The following TSNAX variants were observed in gnomAD, a reference collection of about 807,000 sequenced individuals.
The protein encoded by TSNAX is translin associated factor X, also known as translin-associated protein X.
In TSNAX, 12 loss-of-function variants were observed where a neutral mutation model predicts 33.0. The ratio of observed to expected loss-of-function variants is 0.36; its 90% CI spans 0.23 to 0.59. TSNAX has a LOEUF of 0.59. Ranked by LOEUF, TSNAX falls within the 20% of genes least tolerant of loss-of-function variation. The probability of loss-of-function intolerance (pLI) is 0.74; values close to 1 mark genes in which losing one functional copy is unlikely to be tolerated. For missense variants in TSNAX, 267 were observed against 341.3 expected (o/e 0.78, Z 1.72); for synonymous variants, 110 against 117.2 (o/e 0.94, Z 0.40).
chr1:231,561,178 C>T lies in TSNAX; in HGVS notation c.418C>T (p.Arg140Ter), dbSNP rs750263571. The change falls in exon 5 of 6, where the codon CGA becomes TGA. Residue 140 changes from arginine to a stop codon, truncating the protein, a stop_gained. Transcript: ENST00000366639. LOFTEE classifies it high-confidence loss of function. ...CTCTTTTCAACACTTCATCAAAACA[C>T]GATCATTAATTAGTATGGATGAAAT... is the stretch of plus-strand genomic sequence containing the variant. ...AVSFQHFIKT[R>*]SLISMDEINK... 4 of 1,607,958 alleles carry T rather than the reference C, an allele frequency of 2.5e-6. No individual in the cohort carries two copies. Among genetic ancestry groups the T allele is most frequent in the African/African-American group, 2.7e-5 (2 of 74,592 alleles).
intron 3 of TSNAX, among the ~76,000 whole-genome samples, chr1:231,538,921 GA>G (rs1276806588): frequency 3.6e-5 from 5 of 140,314 alleles, no homozygotes; most frequent in South Asian, 2.2e-4. Context: ...GACAGAATGA[GA>G]CCCTGTCTCA....
At chr1:231,545,565 CTTG>C (rs987085642) in intron 4 of TSNAX, among the ~76,000 whole-genome samples, 1 of 150,060 alleles carries the variant, frequency 6.7e-6, no homozygotes, top group African/African-American at 2.4e-5. Flanking sequence ...TTTTTTCCCT[CTTG>C]TTGAAAAATT....
At position 231,561,217 on chromosome 1, in the gene TSNAX, A is replaced by G. The variant is rs773834413; in HGVS notation, c.457A>G (p.Ile153Val). ...ISMDEINKQL[I>V]FTTEDNGKEN... ...TATGGATGAAATTAATAAACAATTG[A>G]TATTTACGACTGAAGACAATGGGAA... is the stretch of plus-strand genomic sequence containing the variant. The change falls in exon 5 of 6, where the codon ATA becomes GTA. Residue 153 changes from isoleucine to valine, a missense_variant. Around this residue, in one of 2 missense-constraint regions of TSNAX, gnomAD observed 200 missense variants for 214.1 expected, o/e 0.93. Coordinates refer to ENST00000366639, the MANE Select transcript of TSNAX (RefSeq NM_005999.3). The G allele has an allele frequency of 1.1e-5, 17 of 1,580,530 alleles. No homozygotes were observed. The East Asian group carries it at 1.3e-4, about 13-fold the overall frequency.
intron 4 of TSNAX, among the ~76,000 whole-genome samples, chr1:231,552,021 C>T (rs1468463845): frequency 1.3e-5 from 2 of 151,638 alleles, no homozygotes; most frequent in Admixed American, 1.3e-4. Flanking sequence ...CCATTCCAGG[C>T]GCGGTGGCTT....
chr1:231,548,041 C>T (rs1660057624), intron 4 of TSNAX, among the ~76,000 whole-genome samples: 1 of 151,832 alleles, frequency 6.6e-6, no homozygotes, highest in African/African-American at 2.4e-5. Context: ...AGGGTTTCAC[C>T]ATGTTAGCCA....
chr1:231,537,124 C>G (rs1042018443), intron 2 of TSNAX, 89 bp from the exon 3 acceptor site: 2 of 997,854 alleles, frequency 2.0e-6, no homozygotes, highest in African/African-American at 3.4e-5. Context: ...AGCCACCGCA[C>G]CCAGCATATG....
At chr1:231,542,317 A>T in intron 3 of TSNAX, 164 bp from the exon 4 acceptor site, 1 of 663,310 alleles carries the variant, frequency 1.5e-6, no homozygotes, top group African/African-American at 1.8e-5. Context: ...CAGTGTGTTA[A>T]TAACATTTTC....
chr1:231,541,414 G>A lies in TSNAX; in HGVS notation c.237-1067G>A, dbSNP rs558079562. Reference sequence around the variant, plus strand: ...CAAGTTTCAGTTAACACAGTACCATGCAAAGTAAGGACTACTTATCATTTC... The same window carrying A: ...CAAGTTTCAGTTAACACAGTACCATACAAAGTAAGGACTACTTATCATTTC... On this transcript the variant is annotated intron_variant, in intron 3 of 5. Transcript: ENST00000366639. 3.3e-5 allele frequency among the ~76,000 whole-genome samples: 5 copies of A among 152,268 alleles called. 1 individual carries two copies. In the South Asian group the frequency reaches 1.0e-3, roughly 32 times the overall value.
chr1:231,558,259 C>T (rs200969284), intron 4 of TSNAX, among the ~76,000 whole-genome samples: 7 of 152,110 alleles, frequency 4.6e-5, no homozygotes, highest in East Asian at 1.9e-4. Flanking sequence ...GAAGCTGTCC[C>T]CAGGCAGGTG....
chr1:231,548,348 T>G, intron 4 of TSNAX, among the ~76,000 whole-genome samples: 1 of 152,188 alleles, frequency 6.6e-6, no homozygotes, highest in East Asian at 1.9e-4. Context: ...ATGAGTAAAC[T>G]TAACTCAGTT....
At chr1:231,547,389 CTTTTT>C (rs71179784) in intron 4 of TSNAX, among the ~76,000 whole-genome samples, 1 of 104,692 alleles carries the variant, frequency 9.6e-6, no homozygotes, top group African/African-American at 3.8e-5. Flanking sequence ...TTTTTTTTTT[CTTTTT>C]TTTTTTTTTT....
At chr1:231,538,787 C>T (rs1659358388) in intron 3 of TSNAX, among the ~76,000 whole-genome samples, 2 of 152,030 alleles carry the variant, frequency 1.3e-5, no homozygotes, top group Non-Finnish European at 2.9e-5. Context: ...AAAAAACTAG[C>T]TGGAGATGGT....
chr1:231,560,935 C>T (rs544624306), intron 4 of TSNAX, among the ~76,000 whole-genome samples, 193 bp from the exon 5 acceptor site: 3 of 152,078 alleles, frequency 2.0e-5, no homozygotes, highest in South Asian at 2.1e-4. Context: ...GCTGGGATTA[C>T]AGGCGTGAGC....
At position 231,532,279 on chromosome 1, in the gene TSNAX, C is replaced by T. The variant is rs1434032226; in HGVS notation, c.121+2920C>T. Among the ~76,000 whole-genome samples the T allele has an allele frequency of 4.6e-5, 7 of 150,944 alleles. No homozygotes were observed. In the South Asian group the frequency reaches 8.4e-4, roughly 18 times the overall value. On this transcript the variant is annotated intron_variant, in intron 2 of 5. Transcript: ENST00000366639. ...TGATCTTGGCTCACTGCAAGCGTAG[C>T]CTCTTGGGCTCAAGTGATCCTCCCA...
intron 2 of TSNAX, among the ~76,000 whole-genome samples, chr1:231,530,844 C>A (rs1048693128): frequency 4.0e-5 from 6 of 151,642 alleles, no homozygotes; most frequent in African/African-American, 1.5e-4. Flanking sequence ...GCCGAGATCG[C>A]GCCTTTGCAC....
At chr1:231,529,403 ATTAT>A in intron 2 of TSNAX, 44 bp downstream of exon 2, 1 of 1,585,090 alleles carries the variant, frequency 6.3e-7, no homozygotes, top group Non-Finnish European at 8.7e-7. Flanking sequence ...AGAGAACAAA[ATTAT>A]TTAGCCATGG....
chr1:231,530,960 G>T (rs1355421629), intron 2 of TSNAX, among the ~76,000 whole-genome samples: 7 of 139,244 alleles, frequency 5.0e-5, no homozygotes, highest in African/African-American at 7.9e-5. Flanking sequence ...CAGTTTTTTG[G>T]TTTTTTTTTT....
intron 4 of TSNAX, among the ~76,000 whole-genome samples, chr1:231,556,250 G>A (rs1480031647): frequency 6.6e-6 from 1 of 152,122 alleles, no homozygotes; most frequent in Non-Finnish European, 1.5e-5. Flanking sequence ...AAATCAACTA[G>A]GTACAACTAA....
intron 1 of TSNAX, 107 bp downstream of exon 1, chr1:231,528,933 G>A: frequency 1.4e-6 from 2 of 1,440,892 alleles, no homozygotes; most frequent in Admixed American, 1.8e-5. Context: ...TTCGTCCCTT[G>A]TAGACTCGGG....
Sources: allele counts gnomAD v4.1 joint callset (sites outside exome capture counted in the v4.1 genomes callset), GRCh38; gene constraint gnomAD v4.1.1; regional missense constraint gnomAD v4.1.1; transcripts MANE v1.5; gene names NCBI Gene and HGNC (gene_info 2026-07-23, HGNC 2026-07-21).